Variants in ALDH18A1 observed in about 807,000 individuals in gnomAD.
ALDH18A1 encodes the protein aldehyde dehydrogenase 18 family member A1.
A neutral mutation model predicts 88.8 loss-of-function variants in ALDH18A1; 44 were observed. The observed-to-expected ratio is 0.50, with a 90% CI of 0.39 to 0.64. The LOEUF is 0.64. Ranked by LOEUF, ALDH18A1 falls within the 30% of genes least tolerant of loss-of-function variation. The probability of loss-of-function intolerance (pLI) is 0.00; values close to 1 mark genes in which losing one functional copy is unlikely to be tolerated. For synonymous variants in ALDH18A1, 331 were observed against 372.1 expected (o/e 0.89, Z 1.27); for missense variants, 782 against 1,009.5 (o/e 0.77, Z 3.05).
Position 95,613,661 on chromosome 10 carries a change from TTATATGGTATGGC to T in ALDH18A1, c.1923+68_1923+80del, listed in dbSNP as rs139383145. 0.042 allele frequency: 65,812 copies of T among 1,557,980 alleles called. 1,565 individuals are homozygous for T. The highest frequency in any genetic ancestry group is 0.049 in the Non-Finnish European group (55,220 of 1,130,358). ...AAAAAATATTGTTTCTTAAACTGCC[TTATATGGTATGGC>T]TGTGCCTGGTCTAATTCCACAGGCT... On this transcript the variant is annotated intron_variant, in intron 15 of 17. Coordinates refer to ENST00000371224, the MANE Select transcript of ALDH18A1 (RefSeq NM_002860.4).
intron 7 of ALDH18A1, 104 bp downstream of exon 7, chr10:95,632,854 GC>G: frequency 1.0e-6 from 1 of 994,116 alleles, no homozygotes; most frequent in Non-Finnish European, 1.6e-6. Context: ...ATGATCTATA[GC>G]AAAAAAACAT....
At chr10:95,627,125 G>A (rs1481505088) in intron 9 of ALDH18A1, among the ~76,000 whole-genome samples, 5 of 152,056 alleles carry the variant, frequency 3.3e-5, no homozygotes, top group Non-Finnish European at 7.4e-5. Context: ...GTGAACACTC[G>A]AGAGCACATA....
At chr10:95,628,589 A>C in intron 7 of ALDH18A1, 97 bp from the exon 8 acceptor site, 5 of 1,449,014 alleles carry the variant, frequency 3.5e-6, no homozygotes, top group Non-Finnish European at 4.7e-6. Context: ...TACTTTACTC[A>C]TCCAAATGAA....
chr10:95,622,195 T>G (rs1247816806), intron 11 of ALDH18A1, among the ~76,000 whole-genome samples: 1 of 152,134 alleles, frequency 6.6e-6, no homozygotes, highest in Non-Finnish European at 1.5e-5. Flanking sequence ...AAAAGAAAAC[T>G]TTTTTCCTTT....
intron 17 of ALDH18A1, among the ~76,000 whole-genome samples, chr10:95,609,767 C>CTTTTTTTTTTTTT (rs1193875091): frequency 2.8e-3 from 85 of 30,598 alleles, no homozygotes; most frequent in Non-Finnish European, 3.8e-3. Flanking sequence ...AAGTCTGTCT[C>CTTTTTTTTTTTTT]TATTTTTTTT....
chr10:95,637,467 A>G, intron 3 of ALDH18A1, 31 bp from the exon 4 acceptor site: 1 of 1,613,110 alleles, frequency 6.2e-7, no homozygotes, highest in Non-Finnish European at 8.5e-7. Flanking sequence ...GGGGACTGTA[A>G]GTTACCGTAC....
intron 8 of ALDH18A1, among the ~76,000 whole-genome samples, chr10:95,627,840 A>G (rs1589521296): frequency 6.6e-6 from 1 of 152,318 alleles, no homozygotes; most frequent in East Asian, 1.9e-4. Flanking sequence ...TCTCTCTAGT[A>G]TGGGACTCAT....
At chr10:95,643,819 T>C (rs1020724926) in intron 2 of ALDH18A1, among the ~76,000 whole-genome samples, 1 of 152,110 alleles carries the variant, frequency 6.6e-6, no homozygotes, top group Non-Finnish European at 1.5e-5. Flanking sequence ...AAAATATGGG[T>C]GTTTCTAAAG....
chr10:95,625,578 A>G (rs374135124), intron 10 of ALDH18A1, 123 bp from the exon 11 acceptor site: 3 of 775,586 alleles, frequency 3.9e-6, no homozygotes, highest in African/African-American at 3.4e-5. Flanking sequence ...GGTCATCACC[A>G]GTTGAAATCT....
At chr10:95,646,354 T>C (rs1406451681) in intron 2 of ALDH18A1, among the ~76,000 whole-genome samples, 1 of 151,856 alleles carries the variant, frequency 6.6e-6, no homozygotes, top group African/African-American at 2.4e-5. Flanking sequence ...GAGAAGAGGG[T>C]GGGTCGCATG....
chr10:95,620,456 C>A (rs2097850389), intron 12 of ALDH18A1, among the ~76,000 whole-genome samples: 1 of 152,194 alleles, frequency 6.6e-6, no homozygotes, highest in African/African-American at 2.4e-5. Flanking sequence ...GATTATAAAT[C>A]ATGCTACTGT....
At chr10:95,607,021 C>T in intron 17 of ALDH18A1, 78 bp from the exon 18 acceptor site, 1 of 1,444,936 alleles carries the variant, frequency 6.9e-7, no homozygotes, top group Non-Finnish European at 9.7e-7. Flanking sequence ...CACCCTGCTG[C>T]TTTCCCCTCA....
At chr10:95,633,786 T>A in intron 5 of ALDH18A1, 137 bp from the exon 6 acceptor site, 5 of 561,552 alleles carry the variant, frequency 8.9e-6, no homozygotes, top group African/African-American at 2.0e-5. Context: ...TAGAATGAAA[T>A]ACACATATCT....
intron 1 of ALDH18A1, among the ~76,000 whole-genome samples, chr10:95,655,620 T>C (rs951074529): frequency 3.4e-5 from 2 of 59,558 alleles, no homozygotes; most frequent in Non-Finnish European, 1.1e-4. Flanking sequence ...CATCTCTGAC[T>C]GACCAGGCAG....
intron 1 of ALDH18A1, among the ~76,000 whole-genome samples, chr10:95,656,246 G>A (rs1319664231): frequency 6.6e-6 from 1 of 152,148 alleles, no homozygotes; most frequent in African/African-American, 2.4e-5. Context: ...GGAAAGAAGG[G>A]GCCCGCGGAT....
At chr10:95,628,604 A>G (rs1435945591) in intron 7 of ALDH18A1, 112 bp from the exon 8 acceptor site, 1 of 1,303,696 alleles carries the variant, frequency 7.7e-7, no homozygotes, top group Non-Finnish European at 1.1e-6. Flanking sequence ...AATGAATTCC[A>G]CTGCACTACC....
At chr10:95,620,708 C>G (rs1441627942) in intron 12 of ALDH18A1, among the ~76,000 whole-genome samples, 1 of 149,772 alleles carries the variant, frequency 6.7e-6, no homozygotes, top group Non-Finnish European at 1.5e-5. Flanking sequence ...CCAAACAATG[C>G]ATGTTCTCAC....
At chr10:95,648,453 C>G (rs572265993) in intron 2 of ALDH18A1, among the ~76,000 whole-genome samples, 1 of 152,088 alleles carries the variant, frequency 6.6e-6, no homozygotes, top group East Asian at 1.9e-4. Flanking sequence ...AATAAGGAAA[C>G]TGATGCTCAG....
chr10:95,628,427 G>T lies in ALDH18A1; in HGVS notation c.874C>A (p.Gln292Lys). ...TTGGTTCCAAATGTCACAGACTGCT[G>T]ATCTCCGGGATAAAATATATCAATA... ...KLIDIFYPGD[Q>K]QSVTFGTKSR... The change falls in exon 8 of 18, where the codon CAG (glutamine) becomes AAG (lysine). Residue 292 changes from glutamine (Q) to lysine (K), a missense_variant. Physicochemically the swap from Gln to Lys is moderately conservative, Grantham distance 53. Coordinates refer to ENST00000371224, the MANE Select transcript of ALDH18A1 (RefSeq NM_002860.4). 1.9e-6 allele frequency: 3 copies of T among 1,614,070 alleles called. No individual in the cohort carries two copies. The South Asian group carries it at 3.3e-5, about 18-fold the overall frequency.
Sources: allele counts gnomAD v4.1 joint callset (sites outside exome capture counted in the v4.1 genomes callset), GRCh38; gene constraint gnomAD v4.1.1; transcripts MANE v1.5; gene names NCBI Gene and HGNC (gene_info 2026-07-23, HGNC 2026-07-21).